The following ADD3 variants were observed in gnomAD, a reference collection of about 807,000 sequenced individuals.
ADD3 encodes adducin 3, also known as gamma-adducin.
In ADD3, 25 loss-of-function variants were observed where a neutral mutation model predicts 80.2. That is an observed-to-expected ratio of 0.31 (90% CI 0.23 to 0.44). ADD3 has a LOEUF of 0.44. Ranked by LOEUF, ADD3 falls within the 20% of genes least tolerant of loss-of-function variation. The pLI is 1.00. For missense variants in ADD3, 829 were observed against 847.5 expected (o/e 0.98, Z 0.27); for synonymous variants, 284 against 289.6 (o/e 0.98, Z 0.20).
chr10:110,003,682 T>TTTA (rs1316857833), upstream of ADD3, among the ~76,000 whole-genome samples: 1 of 152,198 alleles, frequency 6.6e-6, no homozygotes, highest in Non-Finnish European at 1.5e-5. Context: ...ACCAGAACTC[T>TTTA]GAAACTGAAG....
rs1848729272 is a variant in ADD3, at chr10:110,100,804, A to G, written c.151A>G (p.Met51Val). The G allele has an allele frequency of 4.3e-6, 7 of 1,612,784 alleles. 1 individual carries two copies. Among genetic ancestry groups the G allele is most frequent in the South Asian group, 3.3e-5 (3 of 90,840 alleles). The change falls in exon 2 of 15, where the codon ATG becomes GTG. Residue 51 changes from methionine to valine, a missense_variant. Transcript: ENST00000356080. Reference protein sequence around the residue: ...MSPDLRQDFNMMEQRKRVTQI... With the variant: ...MSPDLRQDFNVMEQRKRVTQI... ...TCCTGATCTACGACAAGACTTCAAC[A>G]TGATGGAGCAGAGGAAACGAGTTAC...
In ADD3 at chr10:110,134,430, TA is replaced by T; in HGVS notation, c.*814del. The stretch of plus-strand genomic sequence containing the variant: ...CAATCTTTTCACAGTAGAGCATACT[TA>T]AGGCTGCTTGGTACTGAGTATACTT... On this transcript the variant is annotated 3_prime_UTR_variant, in exon 15 of 15. Transcript: ENST00000356080. 6.6e-6 allele frequency: 1 copy of T among 152,664 alleles called. No homozygotes were observed. Among genetic ancestry groups the T allele is most frequent in the Non-Finnish European group, 1.5e-5 (1 of 68,000 alleles). The allele number at this position is 152,664 out of a possible 1,614,324, so 9.5% of individuals were successfully genotyped here.
intron 1 of ADD3, among the ~76,000 whole-genome samples, chr10:110,079,631 C>T (rs1845835910): frequency 6.6e-6 from 1 of 151,966 alleles, no homozygotes; most frequent in African/African-American, 2.4e-5. Context: ...TCTTGGCTCA[C>T]TGCAACCTCT....
At chr10:110,108,957 T>C (rs1849686714) in intron 2 of ADD3, among the ~76,000 whole-genome samples, 1 of 152,194 alleles carries the variant, frequency 6.6e-6, no homozygotes, top group African/African-American at 2.4e-5. Flanking sequence ...TACTCTTAAT[T>C]TGATTTCAGA....
intron 1 of ADD3, among the ~76,000 whole-genome samples, chr10:110,025,148 G>T (rs976299396): frequency 6.6e-6 from 1 of 151,756 alleles, no homozygotes; most frequent in Admixed American, 6.6e-5. Flanking sequence ...CACCCACCTC[G>T]GCCTCCCAAA....
chr10:110,049,886 C>CAA (rs1296672882), intron 1 of ADD3, among the ~76,000 whole-genome samples: 42 of 60,962 alleles, frequency 6.9e-4, no homozygotes, highest in African/African-American at 1.3e-3. Context: ...GACTCCGTCT[C>CAA]AAAAAAAAAA....
intron 1 of ADD3, among the ~76,000 whole-genome samples, chr10:110,066,363 A>G (rs143433342): frequency 0.011 from 1,610 of 152,186 alleles, 31 homozygotes; most frequent in African/African-American, 0.038. Flanking sequence ...CAGCCTCCTG[A>G]GTAGCTGGGA....
intron 4 of ADD3, 35 bp from the exon 5 acceptor site, chr10:110,117,307 A>G (rs1290535532): frequency 9.1e-7 from 1 of 1,104,478 alleles, no homozygotes; most frequent in African/African-American, 1.6e-5. Context: ...AATATGAACC[A>G]CTTCATAGTA....
chr10:110,070,100 T>TA (rs774460112), intron 1 of ADD3, among the ~76,000 whole-genome samples: 33 of 152,206 alleles, frequency 2.2e-4, no homozygotes, highest in Non-Finnish European at 3.2e-4. Context: ...ACCCCATACA[T>TA]ATATACTCAT....
chr10:110,029,449 T>C lies in ADD3; in HGVS notation c.-30+21150T>C, dbSNP rs556093945. Among the ~76,000 whole-genome samples the C allele has an allele frequency of 2.0e-5, 3 of 152,348 alleles. No individual in the cohort carries two copies. In the East Asian group the frequency reaches 5.8e-4, roughly 29 times the overall value. ...TTCTATGACATTAGCTGTATAACAA[T>C]GTGTTCTGAATCTGTTAAGGAGAAG... On this transcript the variant is annotated intron_variant, in intron 1 of 14. Coordinates refer to ENST00000356080, the MANE Select transcript of ADD3 (RefSeq NM_016824.5).
chr10:110,085,894 T>G (rs1191020180), intron 1 of ADD3, among the ~76,000 whole-genome samples: 5 of 149,084 alleles, frequency 3.4e-5, no homozygotes, highest in Non-Finnish European at 7.4e-5. Flanking sequence ...TCACCTGAGG[T>G]CGGGAGTTCG....
chr10:110,053,709 C>T (rs1857790182), intron 1 of ADD3, among the ~76,000 whole-genome samples: 1 of 152,036 alleles, frequency 6.6e-6, no homozygotes, highest in Non-Finnish European at 1.5e-5. Context: ...TTATTGTTCT[C>T]ATCAATAGGT....
Position 110,118,605 on chromosome 10 carries a change from GGAGAAGTGGTT to G in ADD3, c.589_599del (p.Glu197ProfsTer9). On this transcript the variant is annotated frameshift_variant, in exon 6 of 15. Coordinates refer to ENST00000356080, the MANE Select transcript of ADD3 (RefSeq NM_016824.5). LOFTEE classifies it high-confidence loss of function. ...TTTCCAGGTGAAAGTCAATATAATA[GGAGAAGTGGTT>G]GACCAGGGAAGTACCAATTTGAAAA... 2 of 1,613,870 alleles carry G rather than the reference GGAGAAGTGGTT, an allele frequency of 1.2e-6. No individual in the cohort carries two copies. The highest frequency in any genetic ancestry group is 1.7e-6 in the Non-Finnish European group (2 of 1,179,808).
intron 1 of ADD3, among the ~76,000 whole-genome samples, chr10:110,068,208 C>A (rs562980664): frequency 6.6e-6 from 1 of 152,066 alleles, no homozygotes; most frequent in South Asian, 2.1e-4. Flanking sequence ...CTCCTTTTCC[C>A]GCTTCCACCG....
chr10:110,132,445 G>A (rs750949553), intron 14 of ADD3, 45 bp downstream of exon 14: 4 of 1,314,606 alleles, frequency 3.0e-6, no homozygotes, highest in East Asian at 2.3e-5. Flanking sequence ...AGTTAGTCTT[G>A]AGTCTGTCCC....
intron 1 of ADD3, among the ~76,000 whole-genome samples, chr10:110,059,629 C>T (rs747335398): frequency 1.1e-4 from 16 of 151,804 alleles, no homozygotes; most frequent in Non-Finnish European, 1.6e-4. Context: ...ATTAGCCGGG[C>T]GTGGTGGCTT....
chr10:110,102,135 T>C (rs1049562730), intron 2 of ADD3, among the ~76,000 whole-genome samples: 2 of 152,200 alleles, frequency 1.3e-5, no homozygotes, highest in Admixed American at 6.5e-5. Context: ...GTGCCCACTT[T>C]AAAGAAACTC....
chr10:110,038,069 CAAAAAAAA>C (rs754609555), intron 1 of ADD3, among the ~76,000 whole-genome samples: 46 of 43,886 alleles, frequency 1.0e-3, no homozygotes, highest in African/African-American at 2.9e-3. Context: ...AACTCCGTCT[CAAAAAAAA>C]AAAAAAAAAA....
rs1399834781 is a variant in ADD3 at position 110,126,520 on chromosome 10, G to T, written c.1608+17G>T. On this transcript the variant is annotated intron_variant, in intron 12 of 14. Transcript: ENST00000356080. ...CCACCTTCTGTAAGTTTATGAAGTAGTATGATCTTTGTTTTTTATTTACCA... is the reference window on the plus strand; with the variant it reads ...CCACCTTCTGTAAGTTTATGAAGTATTATGATCTTTGTTTTTTATTTACCA... The T allele has an allele frequency of 3.2e-6, 5 of 1,558,352 alleles. No individual in the cohort carries two copies. The highest frequency in any genetic ancestry group is 4.4e-6 in the Non-Finnish European group (5 of 1,136,282).
Sources: gnomAD v4.1 joint callset for allele counts (sites outside exome capture counted in the v4.1 genomes callset) on GRCh38, gnomAD v4.1.1 for gene constraint, MANE v1.5 for transcripts, NCBI Gene and HGNC (gene_info 2026-07-23, HGNC 2026-07-21) for gene names.